MTREX: variants seen among roughly 807,000 people sequenced by gnomAD.
MTREX encodes the protein exosome RNA helicase MTR4.
MTREX carries 76 observed loss-of-function variants against 135.4 expected under a neutral mutation model. The observed-to-expected ratio is 0.56, with a 90% CI of 0.47 to 0.68. The LOEUF is 0.68. MTREX is among the 30% of genes least tolerant of loss of function. The pLI is 0.00. For missense variants in MTREX, 920 were observed against 1,262.1 expected (o/e 0.73, Z 4.11); for synonymous variants, 404 against 401.6 (o/e 1.01, Z -0.07).
chr5:55,321,603 A>ATTTTTTTTT (rs570546421), intron 1 of MTREX, among the ~76,000 whole-genome samples: 1 of 103,096 alleles, frequency 9.7e-6, no homozygotes, highest in Non-Finnish European at 2.1e-5. Context: ...CCAAACATCT[A>ATTTTTTTTT]TTTTTTTTTT....
intron 1 of MTREX, among the ~76,000 whole-genome samples, chr5:55,316,330 C>T (rs373671980): frequency 1.6e-4 from 24 of 152,050 alleles, no homozygotes; most frequent in South Asian, 4.2e-4. Flanking sequence ...AGAGACACAA[C>T]GACAAAAAAC....
At chr5:55,352,472 C>A (rs1162300540) in intron 13 of MTREX, among the ~76,000 whole-genome samples, 1 of 152,052 alleles carries the variant, frequency 6.6e-6, no homozygotes, top group African/African-American at 2.4e-5. Flanking sequence ...AATGAAAGAT[C>A]ATCCCATCAC....
chr5:55,319,637 T>C (rs962345006), intron 1 of MTREX, among the ~76,000 whole-genome samples: 2 of 152,226 alleles, frequency 1.3e-5, no homozygotes, highest in African/African-American at 4.8e-5. Context: ...ATTAAAACCT[T>C]ATCCTTAAAA....
chr5:55,416,535 TAGTC>T (rs1011717213), intron 25 of MTREX, among the ~76,000 whole-genome samples: 36 of 152,286 alleles, frequency 2.4e-4, no homozygotes, highest in African/African-American at 8.7e-4. Flanking sequence ...GACTTGGCTT[TAGTC>T]AGACTGTTAT....
chr5:55,416,526 A>G (rs893295889), intron 25 of MTREX, among the ~76,000 whole-genome samples: 6 of 152,130 alleles, frequency 3.9e-5, no homozygotes, highest in African/African-American at 1.4e-4. Flanking sequence ...TATGTAATTG[A>G]CTTGGCTTTA....
Position 55,425,175 on chromosome 5 carries a change from G to A in MTREX, c.*403G>A, listed in dbSNP as rs1254382789. The A allele has an allele frequency of 6.3e-7, 1 of 1,597,064 alleles. No homozygotes were observed. The highest frequency in any genetic ancestry group is 8.5e-7 in the Non-Finnish European group (1 of 1,175,196). On this transcript the variant is annotated 3_prime_UTR_variant, in exon 27 of 27. Coordinates refer to ENST00000230640, the MANE Select transcript of MTREX (RefSeq NM_015360.5). ...GGCAATCATTTTCCTTTAGAAAACA[G>A]GCCAGCTTCACCTGGGCACCCTGCT...
chr5:55,325,322 T>TG (rs1409449072), intron 3 of MTREX, among the ~76,000 whole-genome samples: 3 of 147,052 alleles, frequency 2.0e-5, no homozygotes, highest in Admixed American at 1.4e-4. Context: ...GTTGTTTTTT[T>TG]GGGGGGGTTT....
Position 55,308,136 on chromosome 5 carries a change from A to T in MTREX, c.123A>T (p.Ala41=), listed in dbSNP as rs774082027. 23 of 1,604,794 alleles carry T rather than the reference A, an allele frequency of 1.4e-5. No individual in the cohort carries two copies. The South Asian group carries it at 2.6e-4, about 18-fold the overall frequency. ...KGKWKGPPGS[A]DKAGKRFDGK... ...AATGGAAGGGGCCTCCAGGGTCTGC[A>T]GACAAGGCAGGGTAAGGAAGAAGTT... The change falls in exon 1 of 27, where the codon GCA becomes GCT. Residue 41 remains alanine (A), a synonymous_variant. Coordinates refer to ENST00000230640, the MANE Select transcript of MTREX (RefSeq NM_015360.5).
rs758061874 is a variant in MTREX, at chr5:55,345,135, G to T, written c.1047G>T (p.Val349=). Residue 349 remains valine (V), a synonymous_variant, in exon 10 of 27, where the codon GTG becomes GTT. Coordinates refer to ENST00000230640, the MANE Select transcript of MTREX (RefSeq NM_015360.5). ...REDNFNTAMQ[V]LRDAGDLAKG... ...ATAATTTTAATACTGCAATGCAAGT[G>T]CTTCGAGATGCAGGTGATTTGGCCA... 3.7e-6 allele frequency: 6 copies of T among 1,613,606 alleles called. No homozygotes were observed. Among genetic ancestry groups the T allele is most frequent in the Middle Eastern group, 1.7e-4 (1 of 6,056 alleles).
chr5:55,404,539 C>G (rs1750771234), intron 21 of MTREX, among the ~76,000 whole-genome samples: 1 of 152,116 alleles, frequency 6.6e-6, no homozygotes, highest in Non-Finnish European at 1.5e-5. Context: ...TTTCTGTACC[C>G]TCATTTTTCT....
At chr5:55,365,945 C>G (rs1247209174) in intron 15 of MTREX, among the ~76,000 whole-genome samples, 2 of 150,208 alleles carry the variant, frequency 1.3e-5, no homozygotes, top group African/African-American at 2.5e-5. Flanking sequence ...GAGCTGAGAT[C>G]ACGCCATTGC....
chr5:55,324,970 C>G (rs187263058), intron 3 of MTREX, among the ~76,000 whole-genome samples: 21 of 152,182 alleles, frequency 1.4e-4, no homozygotes, highest in African/African-American at 5.1e-4. Context: ...TGTCTTGCTC[C>G]AATGACTGAT....
chr5:55,342,650 T>C (rs370216739), intron 7 of MTREX, among the ~76,000 whole-genome samples: 6 of 152,342 alleles, frequency 3.9e-5, no homozygotes, highest in Middle Eastern at 3.4e-3. Context: ...TAAAATAAGA[T>C]TTAGTTTTTA....
Position 55,308,158 on chromosome 5 carries a change from A to G in MTREX, c.134+11A>G, listed in dbSNP as rs1748998207. ...TGCAGACAAGGCAGGGTAAGGAAGA[A>G]GTTCCAGTTGTTGCTTTTATTTTTT... On this transcript the variant is annotated intron_variant, in intron 1 of 26. Coordinates refer to ENST00000230640, the MANE Select transcript of MTREX (RefSeq NM_015360.5). 6.3e-7 allele frequency: 1 copy of G among 1,577,652 alleles called. No homozygotes were observed. The highest frequency in any genetic ancestry group is 1.1e-5 in the South Asian group (1 of 87,252).
At chr5:55,405,670 A>T (rs1750793193) in intron 22 of MTREX, 82 bp downstream of exon 22, 2 of 1,254,084 alleles carry the variant, frequency 1.6e-6, no homozygotes, top group East Asian at 5.0e-5. Flanking sequence ...TTTGAGATGG[A>T]GTCTCACTGT....
At chr5:55,366,576 T>C (rs1249717158) in intron 15 of MTREX, 149 bp from the exon 16 acceptor site, 1 of 544,098 alleles carries the variant, frequency 1.8e-6, no homozygotes, top group Admixed American at 4.2e-5. Flanking sequence ...CCTGTGGTTT[T>C]ATTTTATATT....
At chr5:55,394,628 T>C (rs1456675357) in intron 19 of MTREX, among the ~76,000 whole-genome samples, 1 of 152,126 alleles carries the variant, frequency 6.6e-6, no homozygotes, top group African/African-American at 2.4e-5. Context: ...GCAGTAATGC[T>C]CTCTCCCCCA....
intron 15 of MTREX, among the ~76,000 whole-genome samples, chr5:55,364,579 C>G (rs1479848040): frequency 6.6e-6 from 1 of 152,124 alleles, no homozygotes; most frequent in African/African-American, 2.4e-5. Flanking sequence ...TAGGAAGATT[C>G]ATCTGGCAGC....
At chr5:55,319,911 T>C (rs1369132263) in intron 1 of MTREX, among the ~76,000 whole-genome samples, 3 of 152,190 alleles carry the variant, frequency 2.0e-5, no homozygotes, top group African/African-American at 7.2e-5. Context: ...TAGAATGTTT[T>C]AAATATAGTG....
Sources: gnomAD v4.1 joint callset for allele counts (sites outside exome capture counted in the v4.1 genomes callset) on GRCh38, gnomAD v4.1.1 for gene constraint, MANE v1.5 for transcripts, NCBI Gene and HGNC (gene_info 2026-07-23, HGNC 2026-07-21) for gene names.